ADARB2: variants seen among roughly 807,000 people sequenced by gnomAD.
ADARB2 encodes inactive double-stranded RNA-specific editase B2.
Under a neutral mutation model 62.2 loss-of-function variants are expected in ADARB2, and 25 were observed. The observed-to-expected ratio is 0.40, with a 90% confidence interval of 0.29 to 0.56. ADARB2 has a LOEUF of 0.56. ADARB2 is among the 20% of genes least tolerant of loss of function. The pLI is 0.43. For synonymous variants in ADARB2, 572 were observed against 500.8 expected (o/e 1.14, Z -1.90); for missense variants, 1,071 against 1,077.4 (o/e 0.99, Z 0.08).
At chr10:1,423,070 C>A (rs897178055) in intron 1 of ADARB2, among the ~76,000 whole-genome samples, 5 of 152,190 alleles carry the variant, frequency 3.3e-5, no homozygotes, top group Non-Finnish European at 5.9e-5. Flanking sequence ...CTGGAGCTTA[C>A]ATCACTGAAG....
chr10:1,586,208 C>T (rs571339104), intron 1 of ADARB2, among the ~76,000 whole-genome samples: 30 of 152,298 alleles, frequency 2.0e-4, no homozygotes, highest in African/African-American at 7.2e-4. Context: ...CTGTTCACAA[C>T]CCCCAAATTA....
At chr10:1,507,073 G>C (rs1207580831) in intron 1 of ADARB2, among the ~76,000 whole-genome samples, 1 of 152,238 alleles carries the variant, frequency 6.6e-6, no homozygotes, top group Admixed American at 6.5e-5. Flanking sequence ...GTGCCCCGCT[G>C]CTATGGCTGC....
intron 3 of ADARB2, among the ~76,000 whole-genome samples, chr10:1,360,254 G>C (rs955333456): frequency 1.3e-5 from 2 of 152,222 alleles, no homozygotes; most frequent in Admixed American, 1.3e-4. Context: ...TTTCCCCCCA[G>C]CCCCAGAGGT....
intron 8 of ADARB2, chr10:1,186,484 G>A (rs751594908): frequency 5.8e-6 from 3 of 518,888 alleles, no homozygotes; most frequent in Non-Finnish European, 1.2e-5. Flanking sequence ...ACCTCCCGCG[G>A]CACCTGCATG....
intron 1 of ADARB2, among the ~76,000 whole-genome samples, chr10:1,706,583 T>C (rs1834892546): frequency 6.6e-6 from 1 of 152,202 alleles, no homozygotes; most frequent in Non-Finnish European, 1.5e-5. Flanking sequence ...TTCCTCCAAG[T>C]ATTTTTATTT....
chr10:1,560,022 C>T (rs1405281681), intron 1 of ADARB2, among the ~76,000 whole-genome samples: 1 of 152,162 alleles, frequency 6.6e-6, no homozygotes. Flanking sequence ...TGTAAACAAC[C>T]TATTTTCATA....
chr10:1,476,913 T>A (rs1831408236), intron 1 of ADARB2, among the ~76,000 whole-genome samples: 2 of 152,124 alleles, frequency 1.3e-5, no homozygotes, highest in South Asian at 4.1e-4. Flanking sequence ...GATATTCACA[T>A]GCTCGGGAAC....
At chr10:1,610,890 G>A (rs1436669764) in intron 1 of ADARB2, among the ~76,000 whole-genome samples, 2 of 151,970 alleles carry the variant, frequency 1.3e-5, no homozygotes, top group Admixed American at 1.3e-4. Flanking sequence ...ACATAGACAT[G>A]TAAATGCACA....
intron 3 of ADARB2, among the ~76,000 whole-genome samples, chr10:1,337,062 CTGTGTGTGTGTGTGTG>C (rs145511384): frequency 7.0e-6 from 1 of 142,048 alleles, no homozygotes. Flanking sequence ...TTAAAGATTT[CTGTGTGTGTGTGTGTG>C]TGTGTGTGTG....
chr10:1,737,146 G>C lies in ADARB2; in HGVS notation c.5C>G (p.Ala2Gly), dbSNP rs1179409717. 1 of 1,607,614 alleles carries C rather than the reference G, an allele frequency of 6.2e-7. No individual in the cohort carries two copies. The highest frequency in any genetic ancestry group is 8.5e-7 in the Non-Finnish European group (1 of 1,179,844). Residue 2 changes from alanine (A) to glycine (G), a missense_variant, in exon 1 of 10, where the codon GCC becomes GGC. Physicochemically the swap from Ala to Gly is moderately conservative, Grantham distance 60 (BLOSUM62 0). Transcript: ENST00000381312. M[A>G]SVLGSGRGSG... ...CCCTCTGCCGCTCCCCAGGACCGAG[G>C]CCATGGCCGAGACCCAGGCGCGGAG...
intron 3 of ADARB2, among the ~76,000 whole-genome samples, chr10:1,272,362 T>C (rs769224904): frequency 4.6e-5 from 7 of 152,192 alleles, no homozygotes; most frequent in Non-Finnish European, 8.8e-5. Flanking sequence ...TTAATAACGC[T>C]AAGAAAGATA....
At position 1,374,374 on chromosome 10, in the gene ADARB2, C is replaced by T. The variant is rs751394421; in HGVS notation, c.187+4700G>A. Among the ~76,000 whole-genome samples the T allele has an allele frequency of 1.1e-3, 166 of 152,198 alleles. 3 individuals carry two copies. The highest frequency in any genetic ancestry group is 3.3e-4 in the Admixed American group (5 of 15,292). On this transcript the variant is annotated intron_variant, in intron 2 of 9. Coordinates refer to ENST00000381312, the MANE Select transcript of ADARB2 (RefSeq NM_018702.4). ...CACGGGCACCCTCCAGAGCCTCATA[C>T]GCACGTGACCTTGTTTGATACGGTG...
chr10:1,520,042 T>G (rs1832054757), intron 1 of ADARB2, among the ~76,000 whole-genome samples: 1 of 152,236 alleles, frequency 6.6e-6, no homozygotes, highest in Non-Finnish European at 1.5e-5. Context: ...TACTGAGCAC[T>G]TGGGAAAAGC....
At chr10:1,392,807 C>T (rs548089687) in intron 1 of ADARB2, among the ~76,000 whole-genome samples, 4 of 152,292 alleles carry the variant, frequency 2.6e-5, no homozygotes, top group African/African-American at 7.2e-5. Context: ...CCAGTTAAAA[C>T]GGAGGTGGCC....
intron 1 of ADARB2, among the ~76,000 whole-genome samples, chr10:1,391,007 C>T (rs1433673484): frequency 6.6e-6 from 1 of 152,188 alleles, no homozygotes; most frequent in African/African-American, 2.4e-5. Flanking sequence ...TGGCTCACCC[C>T]CTGCCCCCTT....
intron 1 of ADARB2, among the ~76,000 whole-genome samples, chr10:1,581,796 C>T (rs906509338): frequency 6.6e-6 from 1 of 151,508 alleles, no homozygotes; most frequent in African/African-American, 2.4e-5. Flanking sequence ...CAGATGCACC[C>T]AGATAGGCAT....
Position 1,732,128 on chromosome 10 carries a change from AG to A in ADARB2, c.100+4922del, listed in dbSNP as rs1835240856. Among the ~76,000 whole-genome samples the A allele has an allele frequency of 2.0e-5, 3 of 152,084 alleles. 1 individual carries two copies. Among genetic ancestry groups the A allele is most frequent in the South Asian group, 4.1e-4 (2 of 4,828 alleles). ...TTTCTACTATTTTGGAAAAAGAAGT[AG>A]GGGGTATAAAAATTGCTCAAATGTT... On this transcript the variant is annotated intron_variant, in intron 1 of 9. Coordinates refer to ENST00000381312, the MANE Select transcript of ADARB2 (RefSeq NM_018702.4).
Position 1,460,571 on chromosome 10 carries a change from G to A in ADARB2, c.101-81411C>T, listed in dbSNP as rs577276245. Among the ~76,000 whole-genome samples, 33 of 100,412 alleles carry A rather than the reference G, an allele frequency of 3.3e-4. 2 individuals carry two copies. The highest frequency in any genetic ancestry group is 5.8e-4 in the Non-Finnish European group (29 of 49,978). The allele number at this position is 100,412 out of a possible 152,430, so 65.9% of individuals were successfully genotyped here. A position where few individuals can be genotyped will look rare whatever the true frequency, so the allele number is the denominator to read the frequency against. ...TTACCTGCGTAACGAACCTGCCTGT[G>A]ACCTGAGTTTACCTGCGTTACGAAC... On this transcript the variant is annotated intron_variant, in intron 1 of 9. Coordinates refer to ENST00000381312, the MANE Select transcript of ADARB2 (RefSeq NM_018702.4).
intron 2 of ADARB2, among the ~76,000 whole-genome samples, chr10:1,366,476 C>T (rs1162078294): frequency 6.6e-6 from 1 of 152,130 alleles, no homozygotes; most frequent in African/African-American, 2.4e-5. Flanking sequence ...TGCCCTTGCC[C>T]CACCCTGAGG....
Sources: gnomAD v4.1 joint callset for allele counts (sites outside exome capture counted in the v4.1 genomes callset) on GRCh38, gnomAD v4.1.1 for gene constraint, MANE v1.5 for transcripts, NCBI Gene and HGNC (gene_info 2026-07-23, HGNC 2026-07-21) for gene names.